The following PLA2G5 variants were observed in gnomAD, a reference collection of about 807,000 sequenced individuals.
PLA2G5 encodes the protein Ca2+-dependent phospholipase A2.
Under a neutral mutation model 15.9 loss-of-function variants are expected in PLA2G5, and 12 were observed. The observed-to-expected ratio is 0.76, with a 90% CI of 0.48 to 1.23. The LOEUF (loss-of-function observed/expected upper bound fraction) is 1.23. Ranked by LOEUF, PLA2G5 falls within the 50% of genes most tolerant of loss-of-function variation. The pLI is 0.00. For synonymous variants in PLA2G5, 71 were observed against 71.4 expected (o/e 0.99, Z 0.03); for missense variants, 169 against 177.1 (o/e 0.95, Z 0.26).
chr1:20,043,585 G>A (rs1430078933), intron 1 of PLA2G5, among the ~76,000 whole-genome samples: 1 of 152,114 alleles, frequency 6.6e-6, no homozygotes, highest in Non-Finnish European at 1.5e-5. Context: ...TGGGAAGAAG[G>A]GTGGCAATGA....
chr1:20,039,451 CT>C (rs1557724335), intron 1 of PLA2G5, among the ~76,000 whole-genome samples: 1 of 152,160 alleles, frequency 6.6e-6, no homozygotes. Context: ...AGGAATTACA[CT>C]TGGAGAACTA....
chr1:20,087,541 T>C (rs1463817629), intron 3 of PLA2G5, among the ~76,000 whole-genome samples: 1 of 152,042 alleles, frequency 6.6e-6, no homozygotes, highest in Non-Finnish European at 1.5e-5. Context: ...CGTTTTTTTT[T>C]TATACACATG....
chr1:20,070,945 G>A (rs2015337630), intron 1 of PLA2G5: 1 of 152,178 alleles, frequency 6.6e-6, no homozygotes, highest in Non-Finnish European at 1.5e-5. Context: ...CCAGAGGAGG[G>A]TAAGATGCCC....
intron 3 of PLA2G5, 24 bp downstream of exon 3, chr1:20,086,251 C>G (rs374665357): frequency 6.2e-7 from 1 of 1,612,462 alleles, no homozygotes; most frequent in Non-Finnish European, 8.5e-7. Flanking sequence ...TATAACTGCC[C>G]TTTAGGCTCC....
intron 1 of PLA2G5, among the ~76,000 whole-genome samples, chr1:20,080,021 G>C (rs1023259743): frequency 6.6e-6 from 1 of 152,202 alleles, no homozygotes; most frequent in Non-Finnish European, 1.5e-5. Context: ...ACAAGAGGAA[G>C]AGGACGGGGA....
chr1:20,046,248 T>C (rs561436613), intron 1 of PLA2G5: 1 of 152,226 alleles, frequency 6.6e-6, no homozygotes, highest in Non-Finnish European at 1.5e-5. Context: ...TGGTTTTTTG[T>C]TGTTGTTGTT....
chr1:20,031,999 G>C (rs951833956), intron 1 of PLA2G5, among the ~76,000 whole-genome samples: 1 of 152,128 alleles, frequency 6.6e-6, no homozygotes, highest in Admixed American at 6.6e-5. Flanking sequence ...GGGAGATTCT[G>C]GAGGATAAAG....
chr1:20,044,941 T>C (rs766883912), intron 1 of PLA2G5, among the ~76,000 whole-genome samples: 6 of 151,934 alleles, frequency 3.9e-5, no homozygotes, highest in Non-Finnish European at 1.5e-5. Context: ...ATGGGTCACA[T>C]TGGGAACAGA....
chr1:20,073,712 G>A (rs1194643338), intron 1 of PLA2G5, among the ~76,000 whole-genome samples: 4 of 151,980 alleles, frequency 2.6e-5, no homozygotes, highest in African/African-American at 4.8e-5. Context: ...GTGAAACCCC[G>A]TCTCTATGAA....
intron 1 of PLA2G5, among the ~76,000 whole-genome samples, chr1:20,076,584 CCT>C (rs11573221): frequency 0.29 from 43,745 of 151,986 alleles, 6,366 homozygotes; most frequent in East Asian, 0.35. Context: ...AACATCTGCC[CCT>C]CTGTTTCCTT....
intron 1 of PLA2G5, chr1:20,046,203 CT>C (rs1213876732): frequency 6.6e-6 from 1 of 152,130 alleles, no homozygotes; most frequent in Non-Finnish European, 1.5e-5. Flanking sequence ...GTCTTAATTT[CT>C]TTTTACCATT....
chr1:20,057,133 A>G (rs2014472774), intron 1 of PLA2G5, among the ~76,000 whole-genome samples: 1 of 151,896 alleles, frequency 6.6e-6, no homozygotes, highest in South Asian at 2.1e-4. Context: ...AGAGATTTAT[A>G]ATTTTGCTGA....
intron 1 of PLA2G5, among the ~76,000 whole-genome samples, chr1:20,033,893 C>A (rs1227823649): frequency 6.6e-6 from 1 of 151,868 alleles, no homozygotes; most frequent in African/African-American, 2.4e-5. Context: ...GGCCAGCAAG[C>A]TAAAGTCGGG....
At chr1:20,065,390 C>T (rs1488130042), upstream of PLA2G5, among the ~76,000 whole-genome samples, 1 of 152,196 alleles carries the variant, frequency 6.6e-6, no homozygotes, top group Non-Finnish European at 1.5e-5. Context: ...AACAGTTTCA[C>T]TGCCCTGAAA....
At chr1:20,085,796 C>T (rs960103159) in intron 2 of PLA2G5, among the ~76,000 whole-genome samples, 7 of 152,130 alleles carry the variant, frequency 4.6e-5, no homozygotes, top group African/African-American at 1.2e-4. Context: ...TTGGGGTCCC[C>T]GTTTTCCAGG....
chr1:20,054,979 A>AT (rs1424918384), intron 1 of PLA2G5: 2 of 152,168 alleles, frequency 1.3e-5, no homozygotes, highest in Non-Finnish European at 2.9e-5. Context: ...TAGACTTTCC[A>AT]TTTTGCAGGC....
chr1:20,039,838 G>A (rs563380615), intron 1 of PLA2G5, among the ~76,000 whole-genome samples: 16 of 152,112 alleles, frequency 1.1e-4, no homozygotes, highest in Non-Finnish European at 2.1e-4. Context: ...GCATTAGCTT[G>A]GTCAGGTTTC....
chr1:20,059,297 A>T (rs911596111), intron 1 of PLA2G5, among the ~76,000 whole-genome samples: 1 of 152,052 alleles, frequency 6.6e-6, no homozygotes, highest in African/African-American at 2.4e-5. Flanking sequence ...GTGTGGTGGC[A>T]CATGCCTGTA....
chr1:20,074,290 T>C (rs1260076257), intron 1 of PLA2G5, among the ~76,000 whole-genome samples: 1 of 152,168 alleles, frequency 6.6e-6, no homozygotes, highest in African/African-American at 2.4e-5. Flanking sequence ...TCATTGCTCT[T>C]GTAACATATC....
Sources: gnomAD v4.1 joint callset for allele counts (sites outside exome capture counted in the v4.1 genomes callset) on GRCh38, gnomAD v4.1.1 for gene constraint, MANE v1.5 for transcripts, NCBI Gene and HGNC (gene_info 2026-07-23, HGNC 2026-07-21) for gene names.